The following MAGI1 variants were observed in gnomAD, a reference collection of about 807,000 sequenced individuals.
MAGI1 encodes membrane-associated guanylate kinase, WW and PDZ domain-containing protein 1.
MAGI1 carries 58 observed loss-of-function variants against 139.9 expected under a neutral mutation model. The observed-to-expected ratio is 0.41, with a 90% CI of 0.34 to 0.52. The LOEUF (loss-of-function observed/expected upper bound fraction) is 0.52, where lower values mean the gene tolerates loss of function less well. MAGI1 is among the 20% of genes least tolerant of loss of function. The pLI, the probability that MAGI1 is intolerant of heterozygous loss-of-function variation, is 0.12. For missense variants in MAGI1, 1,874 were observed against 1,901.6 expected, an observed-to-expected ratio of 0.99 and a Z score of 0.27; for synonymous variants, 812 against 737.9, an observed-to-expected ratio of 1.10 and a Z score of -1.63.
chr3:65,448,148 C>T (rs1948788707), intron 6 of MAGI1, 91 bp from the exon 7 acceptor site: 1 of 1,096,992 alleles, frequency 9.1e-7, no homozygotes, highest in Non-Finnish European at 1.4e-6. Context: ...CTCAGGAAAA[C>T]AGCAGCAAAC....
intron 1 of MAGI1, among the ~76,000 whole-genome samples, chr3:65,734,863 G>C (rs912525792): frequency 2.7e-5 from 4 of 149,738 alleles, no homozygotes; most frequent in East Asian, 2.0e-4. Flanking sequence ...TGGGGGGAGG[G>C]GAGGTGAAGA....
At chr3:65,991,751 G>C (rs771813315) in intron 1 of MAGI1, among the ~76,000 whole-genome samples, 1 of 152,110 alleles carries the variant, frequency 6.6e-6, no homozygotes, top group Non-Finnish European at 1.5e-5. Flanking sequence ...ACGGTGGCTC[G>C]TGATTGTAAT....
Position 65,622,039 on chromosome 3 carries a change from C to T in MAGI1, c.363G>A (p.Gln121=). 2 of 1,614,084 alleles carry T rather than the reference C, an allele frequency of 1.2e-6. No individual in the cohort carries two copies. Among genetic ancestry groups the T allele is most frequent in the Non-Finnish European group, 1.7e-6 (2 of 1,180,000 alleles). ...GGAGCTCATGATCAGGAGACCCCTT[C>T]TGGAATCGCTGATTGAGAAAATGTC... ...DLRHFLNQRF[Q]KGSPDHELQQ... Residue 121 remains glutamine, a synonymous_variant, in exon 2 of 23, where the codon CAG becomes CAA. Coordinates refer to ENST00000402939, the MANE Select transcript of MAGI1 (RefSeq NM_001033057.2).
At chr3:65,505,181 G>C (rs1285492196) in intron 2 of MAGI1, among the ~76,000 whole-genome samples, 2 of 152,024 alleles carry the variant, frequency 1.3e-5, no homozygotes, top group African/African-American at 4.8e-5. Context: ...CACTTTCTCT[G>C]ATTAATTATA....
intron 13 of MAGI1, among the ~76,000 whole-genome samples, chr3:65,395,462 T>C (rs989810629): frequency 2.7e-5 from 4 of 150,134 alleles, no homozygotes; most frequent in African/African-American, 9.8e-5. Context: ...GCCAACATGG[T>C]GAAACTCCAT....
intron 1 of MAGI1, among the ~76,000 whole-genome samples, chr3:65,812,371 C>T (rs1252227983): frequency 1.3e-5 from 2 of 151,962 alleles, no homozygotes; most frequent in East Asian, 1.9e-4. Context: ...GGGGCACACA[C>T]TGCTGTGACC....
At chr3:65,841,229 GC>G (rs2058791905) in intron 1 of MAGI1, among the ~76,000 whole-genome samples, 2 of 151,786 alleles carry the variant, frequency 1.3e-5, no homozygotes, top group South Asian at 4.2e-4. Context: ...CAAAGAACTA[GC>G]TTTTTGTTTC....
intron 1 of MAGI1, among the ~76,000 whole-genome samples, chr3:65,813,030 GAA>G (rs71281377): frequency 7.1e-6 from 1 of 140,996 alleles, no homozygotes; most frequent in Non-Finnish European, 1.6e-5. Flanking sequence ...TTTTCTAAAA[GAA>G]AAAAAAAAAA....
intron 1 of MAGI1, among the ~76,000 whole-genome samples, chr3:65,909,931 T>G (rs1177851491): frequency 1.3e-5 from 2 of 152,094 alleles, no homozygotes; most frequent in Non-Finnish European, 2.9e-5. Context: ...AGGCACTAAT[T>G]AGATTCTCAT....
At chr3:65,515,859 A>T (rs535951408) in intron 2 of MAGI1, among the ~76,000 whole-genome samples, 1 of 152,342 alleles carries the variant, frequency 6.6e-6, no homozygotes, top group Admixed American at 6.5e-5. Context: ...CAAGCCTGGC[A>T]CTTACATGCT....
intron 1 of MAGI1, among the ~76,000 whole-genome samples, chr3:65,762,661 T>G (rs2107887895): frequency 6.6e-6 from 1 of 152,308 alleles, no homozygotes; most frequent in South Asian, 2.1e-4. Flanking sequence ...TTATATAACA[T>G]GGGTGTGTTA....
At position 65,461,651 on chromosome 3, in the gene MAGI1, G is replaced by A. The variant is rs1030348604; in HGVS notation, c.960-8311C>T. Among the ~76,000 whole-genome samples, 21 of 150,728 alleles carry A rather than the reference G, an allele frequency of 1.4e-4. 1 individual carries two copies. The highest frequency in any genetic ancestry group is 4.4e-5 in the Non-Finnish European group (3 of 67,708). On this transcript the variant is annotated intron_variant, in intron 5 of 22. Coordinates refer to ENST00000402939, the MANE Select transcript of MAGI1 (RefSeq NM_001033057.2). The stretch of plus-strand genomic sequence containing the variant: ...CTACAGGCGCCCGCCACCACGCCTG[G>A]CTAATTTTCTGTATTTTTAGTACAG...
chr3:65,798,329 AAAC>A (rs1311853723), intron 1 of MAGI1, among the ~76,000 whole-genome samples: 23 of 152,052 alleles, frequency 1.5e-4, no homozygotes, highest in South Asian at 8.3e-4. Context: ...ACAAACAAAC[AAAC>A]AAACACAGCC....
At chr3:65,360,977 T>C (rs1374132570) in intron 22 of MAGI1, 2 of 1,435,566 alleles carry the variant, frequency 1.4e-6, no homozygotes, top group Non-Finnish European at 1.8e-6. Context: ...AAGGGGGCTA[T>C]AAAGATCTTG....
At chr3:65,861,612 G>C (rs2059558636) in intron 1 of MAGI1, among the ~76,000 whole-genome samples, 1 of 152,108 alleles carries the variant, frequency 6.6e-6, no homozygotes, top group Non-Finnish European at 1.5e-5. Context: ...ACAGAGAAGA[G>C]GGAAATCCAT....
rs149902126 is a variant in MAGI1 at position 65,583,168 on chromosome 3, C to A, written c.430+38804G>T. Reference sequence around the variant, plus strand: ...TGACCACGTATCTCAATGGCCCCAACAGTCACATGTGGCTAGTGACCACTG... The same window carrying A: ...TGACCACGTATCTCAATGGCCCCAAAAGTCACATGTGGCTAGTGACCACTG... On this transcript the variant is annotated intron_variant, in intron 2 of 22. Transcript: ENST00000402939. Among the ~76,000 whole-genome samples the A allele has an allele frequency of 7.4e-3, 1,125 of 152,272 alleles. 16 individuals are homozygous for A. Among genetic ancestry groups the A allele is most frequent in the African/African-American group, 0.026 (1,081 of 41,562 alleles).
intron 1 of MAGI1, among the ~76,000 whole-genome samples, chr3:65,889,205 T>C (rs1182505134): frequency 6.6e-6 from 1 of 152,212 alleles, no homozygotes; most frequent in Non-Finnish European, 1.5e-5. Flanking sequence ...GCTGATATAA[T>C]GTCCATGGGT....
At chr3:65,467,687 T>C (rs1950256853) in intron 5 of MAGI1, among the ~76,000 whole-genome samples, 1 of 152,228 alleles carries the variant, frequency 6.6e-6, no homozygotes, top group Non-Finnish European at 1.5e-5. Context: ...GATATCCACC[T>C]TCCCTTTTTC....
At chr3:65,802,465 G>A (rs561598878) in intron 1 of MAGI1, among the ~76,000 whole-genome samples, 5 of 152,244 alleles carry the variant, frequency 3.3e-5, no homozygotes, top group African/African-American at 1.2e-4. Flanking sequence ...GGTAAACAGA[G>A]CATCTGTGTA....
Sources: allele counts gnomAD v4.1 joint callset (sites outside exome capture counted in the v4.1 genomes callset), GRCh38; gene constraint gnomAD v4.1.1; transcripts MANE v1.5; gene names NCBI Gene and HGNC (gene_info 2026-07-23, HGNC 2026-07-21).